Variants in PPARGC1A observed in about 807,000 individuals in gnomAD.
PPARGC1A encodes the protein peroxisome proliferator-activated receptor gamma coactivator 1-alpha.
Under a neutral mutation model 88.7 loss-of-function variants are expected in PPARGC1A, and 25 were observed. The ratio of observed to expected loss-of-function variants is 0.28; its 90% CI spans 0.21 to 0.39. The LOEUF is 0.39. Among genes scored for constraint, PPARGC1A ranks in the 10% least tolerant of loss-of-function variants. The probability of loss-of-function intolerance (pLI) is 1.00; values close to 1 mark genes in which losing one functional copy is unlikely to be tolerated. For synonymous variants in PPARGC1A, 363 were observed against 355.6 expected, an observed-to-expected ratio of 1.02 and a Z score of -0.24; for missense variants, 880 against 968.7, an observed-to-expected ratio of 0.91 and a Z score of 1.22.
chr4:23,803,896 T>C (rs1719247760), intron 10 of PPARGC1A, among the ~76,000 whole-genome samples: 1 of 152,202 alleles, frequency 6.6e-6, no homozygotes, highest in African/African-American at 2.4e-5. Flanking sequence ...TCTTATTTAC[T>C]GAATGGTTTT....
At chr4:24,067,457 G>C in the PPARGC1A span, among the ~76,000 whole-genome samples, 1 of 152,170 alleles carries the variant, frequency 6.6e-6, no homozygotes, top group Non-Finnish European at 1.5e-5. Flanking sequence ...GAAGCCATCA[G>C]CATTAATAGC....
upstream of PPARGC1A, among the ~76,000 whole-genome samples, chr4:23,893,792 A>G (rs1718188793): frequency 6.6e-6 from 1 of 152,190 alleles, no homozygotes; most frequent in Admixed American, 6.6e-5. Flanking sequence ...ATGTTTCCAT[A>G]TACACTATTT....
chr4:24,305,848 A>G, the PPARGC1A span, among the ~76,000 whole-genome samples: 1 of 152,154 alleles, frequency 6.6e-6, no homozygotes, highest in Non-Finnish European at 1.5e-5. Context: ...CATTATCATT[A>G]TTGGGATGCC....
the PPARGC1A span, among the ~76,000 whole-genome samples, chr4:23,923,126 T>A: frequency 4.6e-5 from 7 of 151,920 alleles, no homozygotes; most frequent in Admixed American, 3.9e-4. Flanking sequence ...GTTTTTTTTT[T>A]TTTTTTTTTT....
the PPARGC1A span, among the ~76,000 whole-genome samples, chr4:24,191,825 T>C: frequency 6.6e-6 from 1 of 152,176 alleles, no homozygotes; most frequent in Non-Finnish European, 1.5e-5. Context: ...AGAATGCCAT[T>C]CATTTATTCA....
At chr4:23,880,862 T>C (rs946484253) in intron 2 of PPARGC1A, 2 of 152,182 alleles carry the variant, frequency 1.3e-5, no homozygotes, top group Non-Finnish European at 2.9e-5. Flanking sequence ...GTATTACAAG[T>C]AATGACCTAG....
chr4:24,257,681 C>A, the PPARGC1A span, among the ~76,000 whole-genome samples: 2 of 152,164 alleles, frequency 1.3e-5, no homozygotes, highest in Non-Finnish European at 2.9e-5. Context: ...GGCCTCCTCC[C>A]CCTGCCCCAT....
At chr4:23,867,557 T>C (rs759389914) in intron 2 of PPARGC1A, among the ~76,000 whole-genome samples, 1 of 152,218 alleles carries the variant, frequency 6.6e-6, no homozygotes, top group Non-Finnish European at 1.5e-5. Flanking sequence ...GTGATGTCCA[T>C]ATAGTCAATT....
the PPARGC1A span, among the ~76,000 whole-genome samples, chr4:23,966,339 C>A: frequency 1.3e-5 from 2 of 152,166 alleles, no homozygotes; most frequent in African/African-American, 4.8e-5. Flanking sequence ...ACTAGCCACC[C>A]CTGTGTGGCT....
chr4:24,064,504 A>G, the PPARGC1A span, among the ~76,000 whole-genome samples: 1 of 152,102 alleles, frequency 6.6e-6, no homozygotes, highest in Non-Finnish European at 1.5e-5. Flanking sequence ...CAGGGAGAAG[A>G]GGGCAGGAGC....
chr4:23,950,717 G>A, the PPARGC1A span, among the ~76,000 whole-genome samples: 1 of 152,104 alleles, frequency 6.6e-6, no homozygotes, highest in African/African-American at 2.4e-5. Context: ...TGTGGACTTG[G>A]TGTGAGTGAT....
chr4:24,214,114 C>T, the PPARGC1A span, among the ~76,000 whole-genome samples: 8 of 152,160 alleles, frequency 5.3e-5, no homozygotes, highest in East Asian at 3.9e-4. Flanking sequence ...GCAGGATTTG[C>T]GCTTGTTGTT....
intron 2 of PPARGC1A, among the ~76,000 whole-genome samples, chr4:23,874,547 T>C (rs1714287209): frequency 6.6e-6 from 1 of 150,602 alleles, no homozygotes; most frequent in East Asian, 2.0e-4. Context: ...CAAAGATCAC[T>C]TTTTTCCCCC....
At chr4:23,971,138 G>A in the PPARGC1A span, among the ~76,000 whole-genome samples, 3 of 152,028 alleles carry the variant, frequency 2.0e-5, no homozygotes, top group African/African-American at 7.2e-5. Context: ...CTGTACCCAT[G>A]GTTTCATATG....
At chr4:24,467,242 C>A in the PPARGC1A span, among the ~76,000 whole-genome samples, 1 of 152,126 alleles carries the variant, frequency 6.6e-6, no homozygotes. Context: ...CTAGGAGAAA[C>A]CCAAAGTCAG....
the PPARGC1A span, among the ~76,000 whole-genome samples, chr4:24,426,950 A>C: frequency 6.6e-6 from 1 of 152,190 alleles, no homozygotes; most frequent in Non-Finnish European, 1.5e-5. Flanking sequence ...TTTAAGTTTC[A>C]GCTGTCAGGA....
At chr4:24,348,422 T>C in the PPARGC1A span, among the ~76,000 whole-genome samples, 1 of 152,240 alleles carries the variant, frequency 6.6e-6, no homozygotes, top group Non-Finnish European at 1.5e-5. Flanking sequence ...AGAATTCTCT[T>C]CTTCCTCAGG....
chr4:24,052,638 GAA>G, the PPARGC1A span, among the ~76,000 whole-genome samples: 3 of 129,080 alleles, frequency 2.3e-5, no homozygotes, highest in Admixed American at 8.0e-5. Context: ...TTACATCTCA[GAA>G]AAAAAAAAAA....
chr4:23,910,208 CATATATA>C, the PPARGC1A span, among the ~76,000 whole-genome samples: 40 of 69,152 alleles, frequency 5.8e-4, 4 homozygotes, highest in East Asian at 0.011. Context: ...AAAATTTATA[CATATATA>C]ATATATAATA....
Sources: allele counts gnomAD v4.1 joint callset (sites outside exome capture counted in the v4.1 genomes callset), GRCh38; gene constraint gnomAD v4.1.1; transcripts MANE v1.5; gene names NCBI Gene and HGNC (gene_info 2026-07-23, HGNC 2026-07-21).